Variants in SESTD1 observed in about 807,000 individuals in gnomAD.
SESTD1 encodes SEC14 domain and spectrin repeat-containing protein 1.
SESTD1 carries 43 observed loss-of-function variants against 101.7 expected under a neutral mutation model. The ratio of observed to expected loss-of-function variants is 0.42; its 90% CI spans 0.33 to 0.55. The LOEUF is 0.55. SESTD1 is among the 20% of genes least tolerant of loss of function. The pLI, the probability that SESTD1 is intolerant of heterozygous loss-of-function variation, is 0.07. For synonymous variants in SESTD1, 283 were observed against 286.8 expected (o/e 0.99, Z 0.13); for missense variants, 647 against 815.1 (o/e 0.79, Z 2.51).
chr2:179,110,863 G>A (rs1241509853), intron 17 of SESTD1, among the ~76,000 whole-genome samples: 1 of 152,174 alleles, frequency 6.6e-6, no homozygotes, highest in Non-Finnish European at 1.5e-5. Flanking sequence ...GTTTTAATAT[G>A]AATATAAAGT....
chr2:179,150,113 G>A (rs113747675), intron 6 of SESTD1, among the ~76,000 whole-genome samples: 58 of 152,174 alleles, frequency 3.8e-4, no homozygotes, highest in African/African-American at 1.3e-3. Context: ...CAGTCCCAAC[G>A]ACTTGAGAGG....
intron 4 of SESTD1, among the ~76,000 whole-genome samples, chr2:179,172,665 T>C (rs965536292): frequency 2.0e-5 from 3 of 152,190 alleles, no homozygotes; most frequent in African/African-American, 7.2e-5. Flanking sequence ...TTTTTATCAG[T>C]CATTATACAA....
intron 1 of SESTD1, among the ~76,000 whole-genome samples, chr2:179,261,189 A>G (rs2047478148): frequency 6.6e-6 from 1 of 152,242 alleles, no homozygotes; most frequent in South Asian, 2.1e-4. Context: ...GAAGAAAAGG[A>G]ATTTATTTGA....
intron 5 of SESTD1, among the ~76,000 whole-genome samples, chr2:179,153,318 A>G (rs577580618): frequency 9.2e-5 from 14 of 152,204 alleles, no homozygotes; most frequent in Non-Finnish European, 1.3e-4. Context: ...AAAGCCAGTG[A>G]GTGAGATGGG....
intron 7 of SESTD1, among the ~76,000 whole-genome samples, chr2:179,149,037 G>C (rs1313732717): frequency 8.0e-6 from 1 of 124,670 alleles, no homozygotes; most frequent in East Asian, 2.3e-4. Context: ...TCCAGCCTGG[G>C]TGACAGAGCA....
At chr2:179,256,873 T>C (rs956813997) in intron 1 of SESTD1, among the ~76,000 whole-genome samples, 8 of 150,100 alleles carry the variant, frequency 5.3e-5, no homozygotes, top group Admixed American at 6.6e-5. Flanking sequence ...GCAAAGCAAG[T>C]AGTTTCTTGA....
intron 1 of SESTD1, among the ~76,000 whole-genome samples, chr2:179,221,557 T>C (rs2046815363): frequency 6.6e-6 from 1 of 150,556 alleles, no homozygotes; most frequent in Non-Finnish European, 1.5e-5. Flanking sequence ...AGGCAGAGGT[T>C]GCAGTGAGCC....
intron 1 of SESTD1, among the ~76,000 whole-genome samples, chr2:179,222,145 T>C (rs1574046697): frequency 6.6e-6 from 1 of 152,152 alleles, no homozygotes; most frequent in South Asian, 2.1e-4. Flanking sequence ...ATTAGCTATC[T>C]ATCCCAAAAA....
At chr2:179,207,690 G>A (rs2046607039) in intron 1 of SESTD1, among the ~76,000 whole-genome samples, 1 of 135,054 alleles carries the variant, frequency 7.4e-6, no homozygotes, top group South Asian at 2.8e-4. Context: ...ACCACACCAA[G>A]GGATCACCCT....
chr2:179,239,529 A>G (rs763976742), intron 1 of SESTD1, among the ~76,000 whole-genome samples: 35 of 152,168 alleles, frequency 2.3e-4, no homozygotes, highest in Non-Finnish European at 4.4e-4. Context: ...CCAGCTACAC[A>G]TTAGAATCAT....
chr2:179,123,794 C>T lies in SESTD1; in HGVS notation c.1203G>A (p.Leu401=). The change falls in exon 12 of 18, where the codon TTG becomes TTA. Residue 401 remains leucine (L), a synonymous_variant. Transcript: ENST00000428443. Reference sequence around the variant, plus strand: ...CATCAGCTGGTGCTACATCTACGCACAACATCCCTAATAAGCCATCCAACT... The same window carrying T: ...CATCAGCTGGTGCTACATCTACGCATAACATCCCTAATAAGCCATCCAACT... The part of the protein sequence containing the change: ...SQQLDGLLGM[L]CVDVAPADGA... 3 of 1,614,016 alleles carry T rather than the reference C, an allele frequency of 1.9e-6. No individual in the cohort carries two copies. The highest frequency in any genetic ancestry group is 2.5e-6 in the Non-Finnish European group (3 of 1,179,934).
At position 179,201,365 on chromosome 2, in the gene SESTD1, C is replaced by A. The variant is rs1403493336; in HGVS notation, c.-25-9499G>T. On this transcript the variant is annotated intron_variant, in intron 1 of 17. Coordinates refer to ENST00000428443, the MANE Select transcript of SESTD1 (RefSeq NM_178123.5). ...TCAACCATTGTGGAAGTCAGTGTGGCGATTCCTCAGGGATCTAGAACTAGA... is the reference window on the plus strand; with the variant it reads ...TCAACCATTGTGGAAGTCAGTGTGGAGATTCCTCAGGGATCTAGAACTAGA... Among the ~76,000 whole-genome samples the A allele has an allele frequency of 6.4e-5, 8 of 125,326 alleles. 2 individuals are homozygous for A. The highest frequency in any genetic ancestry group is 6.2e-4 in the South Asian group (2 of 3,222). The allele number at this position is 125,326 out of a possible 152,430, so 82.2% of individuals were successfully genotyped here. A position where few individuals can be genotyped will look rare whatever the true frequency, so the allele number is the denominator to read the frequency against.
At position 179,246,031 on chromosome 2, in the gene SESTD1, C is replaced by T. The variant is rs555231803; in HGVS notation, c.-26+18468G>A. On this transcript the variant is annotated intron_variant, in intron 1 of 17. Transcript: ENST00000428443. Reference sequence around the variant, plus strand: ...CAACACTTTGGGTGGCCAAGGCGGGCGGACCACAAGGTCAGGAGTTCGAGA... The same window carrying T: ...CAACACTTTGGGTGGCCAAGGCGGGTGGACCACAAGGTCAGGAGTTCGAGA... 7.7e-4 allele frequency among the ~76,000 whole-genome samples: 117 copies of T among 152,162 alleles called. 1 individual carries two copies. Among genetic ancestry groups the T allele is most frequent in the African/African-American group, 2.4e-3 (101 of 41,510 alleles).
intron 3 of SESTD1, among the ~76,000 whole-genome samples, chr2:179,178,885 ATAAAT>A (rs1257719002): frequency 4.6e-5 from 7 of 152,250 alleles, no homozygotes; most frequent in Non-Finnish European, 1.0e-4. Flanking sequence ...AAAGCACACT[ATAAAT>A]TAATCTGTAC....
intron 8 of SESTD1, among the ~76,000 whole-genome samples, chr2:179,145,238 G>A (rs1371563944): frequency 6.6e-6 from 1 of 151,684 alleles, no homozygotes; most frequent in Non-Finnish European, 1.5e-5. Flanking sequence ...TATTTTTCTT[G>A]TCGATATCAT....
chr2:179,119,387 GAGA>G (rs1339225170), intron 13 of SESTD1, among the ~76,000 whole-genome samples: 1 of 152,192 alleles, frequency 6.6e-6, no homozygotes, highest in African/African-American at 2.4e-5. Flanking sequence ...ATTAAAAAAG[GAGA>G]GCAAGTTTTA....
At chr2:179,232,641 A>C (rs1208356321) in intron 1 of SESTD1, among the ~76,000 whole-genome samples, 10 of 152,100 alleles carry the variant, frequency 6.6e-5, no homozygotes, top group African/African-American at 2.4e-4. Flanking sequence ...GTGATTGAAT[A>C]AACAAGCTGT....
At chr2:179,113,931 G>A (rs774794220) in intron 16 of SESTD1, among the ~76,000 whole-genome samples, 18 of 151,690 alleles carry the variant, frequency 1.2e-4, no homozygotes, top group Non-Finnish European at 2.1e-4. Context: ...TTGACAGTGA[G>A]GTGATTGGGG....
chr2:179,219,383 T>C (rs991885398), intron 1 of SESTD1, among the ~76,000 whole-genome samples: 3 of 152,192 alleles, frequency 2.0e-5, no homozygotes, highest in African/African-American at 7.2e-5. Context: ...TAACAACCAG[T>C]GAAAACCCAT....
Sources: gnomAD v4.1 joint callset for allele counts (sites outside exome capture counted in the v4.1 genomes callset) on GRCh38, gnomAD v4.1.1 for gene constraint, MANE v1.5 for transcripts, NCBI Gene and HGNC (gene_info 2026-07-23, HGNC 2026-07-21) for gene names.